RBPJ: variants seen among roughly 807,000 people sequenced by gnomAD.
RBPJ encodes the protein recombining binding protein suppressor of hairless.
Under a neutral mutation model 67.8 loss-of-function variants are expected in RBPJ, and 9 were observed. The ratio of observed to expected loss-of-function variants is 0.13; its 90% CI spans 0.08 to 0.23. The LOEUF (loss-of-function observed/expected upper bound fraction) is 0.23, where lower values mean the gene tolerates loss of function less well. RBPJ is among the 10% of genes least tolerant of loss of function. The pLI, the probability that RBPJ is intolerant of heterozygous loss-of-function variation, is 1.00. For missense variants in RBPJ, 305 were observed against 595.6 expected, an observed-to-expected ratio of 0.51 and a Z score of 5.08; for synonymous variants, 198 against 203.3, an observed-to-expected ratio of 0.97 and a Z score of 0.22.
chr4:26,210,770 TC>T (rs1718387018), intron 1 of RBPJ, among the ~76,000 whole-genome samples: 1 of 139,212 alleles, frequency 7.2e-6, no homozygotes, highest in Non-Finnish European at 1.5e-5. Flanking sequence ...TTTCTTTCTT[TC>T]TTTCTTTCTT....
intron 1 of RBPJ, among the ~76,000 whole-genome samples, chr4:26,258,335 T>C: frequency 6.6e-6 from 1 of 152,244 alleles, no homozygotes; most frequent in East Asian, 1.9e-4. Context: ...CTCTGTATTT[T>C]CCACTATGTA....
chr4:26,388,723 TGAAGACATAGCAATA>T (rs1478480031), intron 2 of RBPJ, among the ~76,000 whole-genome samples: 1 of 152,072 alleles, frequency 6.6e-6, no homozygotes, highest in African/African-American at 2.4e-5. Context: ...TTAGTAAACA[TGAAGACATAGCAATA>T]GATACTATCT....
chr4:26,235,443 T>C (rs953215339), intron 1 of RBPJ, among the ~76,000 whole-genome samples: 4 of 152,226 alleles, frequency 2.6e-5, no homozygotes, highest in African/African-American at 9.6e-5. Flanking sequence ...TGGATTAACA[T>C]TTAAAAACAA....
At chr4:26,302,295 C>T (rs1560252317) in intron 1 of RBPJ, among the ~76,000 whole-genome samples, 1 of 152,148 alleles carries the variant, frequency 6.6e-6, no homozygotes, top group Non-Finnish European at 1.5e-5. Flanking sequence ...ATCTTCAGCT[C>T]CATTAAGATA....
At chr4:26,191,206 T>G (rs376703360) in intron 1 of RBPJ, among the ~76,000 whole-genome samples, 960 of 30,190 alleles carry the variant, frequency 0.032, 7 homozygotes, top group East Asian at 0.058. Context: ...TATATATATA[T>G]ATATAGAGAG....
chr4:26,203,058 C>T (rs1718045560), intron 1 of RBPJ, among the ~76,000 whole-genome samples: 4 of 152,082 alleles, frequency 2.6e-5, no homozygotes, highest in Admixed American at 2.6e-4. Flanking sequence ...TAATTTCTCA[C>T]CTCCACCGCT....
intron 1 of RBPJ, among the ~76,000 whole-genome samples, chr4:26,267,806 C>A (rs1720751514): frequency 6.6e-6 from 1 of 151,994 alleles, no homozygotes; most frequent in Non-Finnish European, 1.5e-5. Flanking sequence ...TGGGGTTTCA[C>A]CATGTTAGCC....
At chr4:26,240,563 G>A (rs1719601819) in intron 1 of RBPJ, among the ~76,000 whole-genome samples, 2 of 152,188 alleles carry the variant, frequency 1.3e-5, no homozygotes, top group South Asian at 4.1e-4. Flanking sequence ...TATTTAAGAA[G>A]AACATGAGGA....
At chr4:26,337,375 C>T (rs1000507308) in intron 1 of RBPJ, among the ~76,000 whole-genome samples, 5 of 152,084 alleles carry the variant, frequency 3.3e-5, no homozygotes, top group Non-Finnish European at 7.4e-5. Flanking sequence ...TTCTGTTGGT[C>T]CTCCTTTCCT....
chr4:26,299,236 T>C (rs1009171154), intron 1 of RBPJ, among the ~76,000 whole-genome samples: 2 of 152,198 alleles, frequency 1.3e-5, no homozygotes, highest in African/African-American at 4.8e-5. Context: ...TCTCATTTTA[T>C]CCCTCAGTTA....
At chr4:26,151,831 G>A in the RBPJ span, among the ~76,000 whole-genome samples, 6 of 152,186 alleles carry the variant, frequency 3.9e-5, no homozygotes, top group South Asian at 6.2e-4. Flanking sequence ...CTTTTTCTTC[G>A]CAAATAAGTT....
At chr4:26,331,090 G>A (rs1445649955) in intron 1 of RBPJ, among the ~76,000 whole-genome samples, 1 of 152,174 alleles carries the variant, frequency 6.6e-6, no homozygotes, top group African/African-American at 2.4e-5. Context: ...GTTTTAGGGG[G>A]AGGGGAAGGC....
At chr4:26,165,278 C>G (rs946388413) in intron 1 of RBPJ, among the ~76,000 whole-genome samples, 1 of 152,180 alleles carries the variant, frequency 6.6e-6, no homozygotes, top group Non-Finnish European at 1.5e-5. Flanking sequence ...TTAGCTTTTT[C>G]TAAAGCAAAA....
At chr4:26,187,023 C>T (rs1717290229) in intron 1 of RBPJ, among the ~76,000 whole-genome samples, 1 of 152,092 alleles carries the variant, frequency 6.6e-6, no homozygotes, top group East Asian at 1.9e-4. Context: ...GAGTTCAAAA[C>T]CAGCCTGGAC....
rs193210024 is a variant in RBPJ at position 26,227,112 on chromosome 4, C to T, written c.-167+63498C>T. Among the ~76,000 whole-genome samples, 343 of 152,296 alleles carry T rather than the reference C, an allele frequency of 2.3e-3. 1 individual carries two copies. The highest frequency in any genetic ancestry group is 3.3e-3 in the Non-Finnish European group (224 of 68,028). On this transcript the variant is annotated intron_variant, in intron 1 of 4. Coordinates refer to the RBPJ transcript ENST00000512351. ...ACAGCAACATTAGAAGGATACAAAA[C>T]GCTTCACTGGAGTCGTCTGAGGGTT...
chr4:26,236,964 T>C (rs1387229322), intron 1 of RBPJ, among the ~76,000 whole-genome samples: 1 of 152,112 alleles, frequency 6.6e-6, no homozygotes, highest in East Asian at 1.9e-4. Context: ...GACTCCCTTG[T>C]GAAATGCTTG....
chr4:26,419,333 A>G (rs146392330), intron 4 of RBPJ, among the ~76,000 whole-genome samples: 42 of 152,312 alleles, frequency 2.8e-4, no homozygotes, highest in African/African-American at 9.9e-4. Flanking sequence ...CTACAGAGCA[A>G]AACCTCTCAA....
chr4:26,138,701 G>GT, the RBPJ span, among the ~76,000 whole-genome samples: 1 of 152,212 alleles, frequency 6.6e-6, no homozygotes, highest in Non-Finnish European at 1.5e-5. Flanking sequence ...CCAATGTGGA[G>GT]TACATGAACC....
chr4:26,282,874 C>T (rs1398359208), intron 1 of RBPJ, among the ~76,000 whole-genome samples: 1 of 143,312 alleles, frequency 7.0e-6, no homozygotes, highest in Non-Finnish European at 1.5e-5. Flanking sequence ...AAAGGAAATA[C>T]AGAGTTGAGT....
Sources: gnomAD v4.1 joint callset for allele counts (sites outside exome capture counted in the v4.1 genomes callset) on GRCh38, gnomAD v4.1.1 for gene constraint, MANE v1.5 for transcripts, NCBI Gene and HGNC (gene_info 2026-07-23, HGNC 2026-07-21) for gene names.